PTPRN2: variants seen among roughly 807,000 people sequenced by gnomAD.
PTPRN2 encodes receptor-type tyrosine-protein phosphatase N2.
In PTPRN2, 74 loss-of-function variants were observed where a neutral mutation model predicts 118.8. The ratio of observed to expected loss-of-function variants is 0.62; its 90% CI spans 0.52 to 0.76. The LOEUF (loss-of-function observed/expected upper bound fraction) is 0.76, where lower values mean the gene tolerates loss of function less well. Ranked by LOEUF, PTPRN2 falls within the 30% of genes least tolerant of loss-of-function variation. PTPRN2 has a pLI of 0.00. For synonymous variants in PTPRN2, 641 were observed against 608.0 expected (o/e 1.05, Z -0.80); for missense variants, 1,481 against 1,394.4 (o/e 1.06, Z -0.99).
Position 157,621,413 on chromosome 7 carries a change from C to A in PTPRN2, c.2293G>T (p.Ala765Ser), listed in dbSNP as rs762078623. 1.2e-6 allele frequency: 2 copies of A among 1,612,046 alleles called. No homozygotes were observed. Among genetic ancestry groups the A allele is most frequent in the South Asian group, 1.1e-5 (1 of 91,052 alleles). Residue 765 changes from alanine to serine, a missense_variant, in exon 15 of 23, where the codon GCC becomes TCC. By Grantham distance (99) the Ala-to-Ser change is moderately conservative. Coordinates refer to ENST00000389418, the MANE Select transcript of PTPRN2 (RefSeq NM_002847.5). ...YQAEPNSSFV[A>S]QREENVPKNR... Reference sequence around the variant, plus strand: ...TTGGGCACGTTCTCCTCCCTCTGGGCCACGAACGAGCTGTTGGGCTCCGCC... The same window carrying A: ...TTGGGCACGTTCTCCTCCCTCTGGGACACGAACGAGCTGTTGGGCTCCGCC...
intron 3 of PTPRN2, among the ~76,000 whole-genome samples, chr7:158,219,138 A>T (rs1055149783): frequency 2.0e-5 from 3 of 152,112 alleles, no homozygotes; most frequent in African/African-American, 4.8e-5. Flanking sequence ...TCTGCACATG[A>T]CACATACTCT....
chr7:157,715,568 C>T lies in PTPRN2; in HGVS notation c.1789-32631G>A, dbSNP rs147433294. On this transcript the variant is annotated intron_variant, in intron 12 of 22. Coordinates refer to ENST00000389418, the MANE Select transcript of PTPRN2 (RefSeq NM_002847.5). ...TGACCCTTCTGCTAAAGCTGCCAGG[C>T]ACTGCGCTGGTGTAAGCTGATCATA... Among the ~76,000 whole-genome samples, 1,131 of 152,356 alleles carry T rather than the reference C, an allele frequency of 7.4e-3. 7 individuals carry two copies. The highest frequency in any genetic ancestry group is 0.013 in the Non-Finnish European group (853 of 68,040).
chr7:157,578,125 C>A lies in PTPRN2; in HGVS notation c.2512G>T (p.Gly838Cys). ...ADFWQMVWESGCVVIVMLTPL... is the reference protein window; with the variant it reads ...ADFWQMVWESCCVVIVMLTPL... ...GTCAGCATGACGATCACCACGCAGC[C>A]GCTCTCCCACACCATCTGCGGACAA... Residue 838 changes from glycine to cysteine, a missense_variant, in exon 18 of 23, where the codon GGC (glycine) becomes TGC (cysteine). This residue lies in a region of PTPRN2 where 362 missense variants were observed against 384.1 expected (regional missense o/e 0.94). Transcript: ENST00000389418. The A allele has an allele frequency of 1.2e-6, 2 of 1,611,900 alleles. No homozygotes were observed. The highest frequency in any genetic ancestry group is 1.7e-6 in the Non-Finnish European group (2 of 1,179,048).
rs112579746 is a variant in PTPRN2, at chr7:158,563,351, G to C, written c.112+24207C>G. Among the ~76,000 whole-genome samples, 126 of 152,306 alleles carry C rather than the reference G, an allele frequency of 8.3e-4. No individual in the cohort carries two copies. Among genetic ancestry groups the C allele is most frequent in the African/African-American group, 2.9e-3 (121 of 41,566 alleles). On this transcript the variant is annotated intron_variant, in intron 1 of 22. Coordinates refer to ENST00000389418, the MANE Select transcript of PTPRN2 (RefSeq NM_002847.5). This position sits in a 1 kb window ranked among gnomAD's most constrained non-coding sequence, Gnocchi z 5.1. ...AAGTACCCAAGTGGAACGCAGATACGGCACGTCAGTGAGAACAAAAGCATC... is the reference window on the plus strand; with the variant it reads ...AAGTACCCAAGTGGAACGCAGATACCGCACGTCAGTGAGAACAAAAGCATC...
intron 5 of PTPRN2, among the ~76,000 whole-genome samples, chr7:158,186,757 A>G (rs1235976121): frequency 3.9e-5 from 6 of 152,252 alleles, no homozygotes; most frequent in Admixed American, 2.6e-4. Flanking sequence ...TGTTCCCTCC[A>G]TCACAGCACT....
At chr7:157,946,258 G>A (rs1335782172) in intron 11 of PTPRN2, among the ~76,000 whole-genome samples, 1 of 151,788 alleles carries the variant, frequency 6.6e-6, no homozygotes, top group African/African-American at 2.4e-5. Flanking sequence ...TGGGAGTTTT[G>A]TAGCTCTTTC....
chr7:158,011,563 G>T (rs1449098809), intron 11 of PTPRN2, among the ~76,000 whole-genome samples: 1 of 152,186 alleles, frequency 6.6e-6, no homozygotes, highest in Non-Finnish European at 1.5e-5. Context: ...AACATATCAT[G>T]ATGCTTAGGT....
At chr7:158,379,414 G>A (rs996975668) in intron 2 of PTPRN2, among the ~76,000 whole-genome samples, 1 of 152,140 alleles carries the variant, frequency 6.6e-6, no homozygotes, top group Non-Finnish European at 1.5e-5. Context: ...AAGGAAGGGT[G>A]GGACAAAGAG....
At chr7:158,481,165 T>A (rs1220665618) in intron 2 of PTPRN2, among the ~76,000 whole-genome samples, 1 of 152,244 alleles carries the variant, frequency 6.6e-6, no homozygotes, top group East Asian at 1.9e-4. Context: ...AGCCAATGCT[T>A]GTTCATCCGA....
At chr7:157,543,384 G>C (rs139855921) in intron 22 of PTPRN2, among the ~76,000 whole-genome samples, 2 of 152,258 alleles carry the variant, frequency 1.3e-5, no homozygotes, top group Non-Finnish European at 2.9e-5. Context: ...TGGGACGGCC[G>C]AGCCAGGCTC....
At chr7:158,071,057 G>C (rs1238194158) in intron 11 of PTPRN2, among the ~76,000 whole-genome samples, 5 of 96,992 alleles carry the variant, frequency 5.2e-5, no homozygotes, top group Non-Finnish European at 1.0e-4. Context: ...GCTCATGGTG[G>C]TGGAGGTGCT....
chr7:157,889,206 G>A (rs182993490), intron 12 of PTPRN2, among the ~76,000 whole-genome samples: 22 of 152,090 alleles, frequency 1.4e-4, no homozygotes, highest in Middle Eastern at 3.4e-3. Context: ...AGTTGGGACC[G>A]TGACAGGATG....
At chr7:157,951,547 C>T (rs920668060) in intron 11 of PTPRN2, among the ~76,000 whole-genome samples, 1 of 152,214 alleles carries the variant, frequency 6.6e-6, no homozygotes, top group Non-Finnish European at 1.5e-5. Flanking sequence ...TGGGACCCCC[C>T]TTCCACTGCA....
At chr7:158,404,753 TC>T (rs1359540008) in intron 2 of PTPRN2, among the ~76,000 whole-genome samples, 2 of 74,712 alleles carry the variant, frequency 2.7e-5, no homozygotes, top group African/African-American at 1.1e-4. Flanking sequence ...GGCTTCCAGC[TC>T]CCCGGCCTCA....
chr7:158,370,820 C>T (rs909266017), intron 2 of PTPRN2, among the ~76,000 whole-genome samples: 2 of 152,150 alleles, frequency 1.3e-5, no homozygotes, highest in African/African-American at 2.4e-5. Context: ...AAGAAAGCAA[C>T]ATGCAAAAGT....
At chr7:158,001,707 C>A (rs1805278114) in intron 11 of PTPRN2, among the ~76,000 whole-genome samples, 1 of 152,176 alleles carries the variant, frequency 6.6e-6, no homozygotes, top group Admixed American at 6.5e-5. Flanking sequence ...TGCTGAGAGC[C>A]CGGCACTGCC....
intron 12 of PTPRN2, among the ~76,000 whole-genome samples, chr7:157,778,065 A>C (rs1378800485): frequency 6.6e-6 from 1 of 152,204 alleles, no homozygotes; most frequent in Non-Finnish European, 1.5e-5. Flanking sequence ...TAAAAGTTAC[A>C]GAACCAGAGT....
At chr7:157,910,429 A>T (rs969683653) in intron 11 of PTPRN2, among the ~76,000 whole-genome samples, 1 of 140,090 alleles carries the variant, frequency 7.1e-6, no homozygotes, top group Non-Finnish European at 1.5e-5. Flanking sequence ...CGCCGTGGGA[A>T]CGGGTCCAGG....
At chr7:157,867,115 C>T (rs1209732544) in intron 12 of PTPRN2, among the ~76,000 whole-genome samples, 7 of 25,638 alleles carry the variant, frequency 2.7e-4, no homozygotes, top group Non-Finnish European at 3.7e-4. Flanking sequence ...TACACGGCCA[C>T]CACCCCGTCC....
Sources: gnomAD v4.1 joint callset for allele counts (sites outside exome capture counted in the v4.1 genomes callset) on GRCh38, gnomAD v4.1.1 for gene constraint, gnomAD v4.1.1 regional missense constraint, Gnocchi (gnomAD v3.1) non-coding constraint, MANE v1.5 for transcripts, NCBI Gene and HGNC (gene_info 2026-07-23, HGNC 2026-07-21) for gene names.